The following CDH13 variants were observed in gnomAD, a reference collection of about 807,000 sequenced individuals.
CDH13 encodes the protein cadherin 13, also known as cadherin-13.
A neutral mutation model predicts 63.8 loss-of-function variants in CDH13; 24 were observed. The observed-to-expected ratio is 0.38, with a 90% CI of 0.27 to 0.53. The LOEUF (loss-of-function observed/expected upper bound fraction) is 0.53, where lower values mean the gene tolerates loss of function less well. Among genes scored for constraint, CDH13 ranks in the 20% least tolerant of loss-of-function variants. CDH13 has a pLI of 0.85. For synonymous variants in CDH13, 503 were observed against 355.3 expected, an observed-to-expected ratio of 1.42 and a Z score of -4.67; for missense variants, 1,049 against 903.1, an observed-to-expected ratio of 1.16 and a Z score of -2.07.
chr16:83,278,044 C>G (rs143839294), intron 5 of CDH13, among the ~76,000 whole-genome samples: 2 of 152,172 alleles, frequency 1.3e-5, no homozygotes, highest in Admixed American at 1.3e-4. Context: ...AGTTCCTATT[C>G]TCCAAGAAGG....
At chr16:83,775,533 G>C (rs1915048097) in intron 11 of CDH13, among the ~76,000 whole-genome samples, 1 of 151,980 alleles carries the variant, frequency 6.6e-6, no homozygotes, top group Non-Finnish European at 1.5e-5. Flanking sequence ...CATGGCCCCT[G>C]GGCTCCCTCC....
intron 2 of CDH13, among the ~76,000 whole-genome samples, chr16:82,962,327 G>T (rs575583082): frequency 6.6e-6 from 1 of 152,296 alleles, no homozygotes; most frequent in East Asian, 1.9e-4. Flanking sequence ...AGCAAGGAAG[G>T]ATCCTTTTTT....
At chr16:82,799,212 G>A (rs1326416479) in intron 1 of CDH13, among the ~76,000 whole-genome samples, 1 of 152,190 alleles carries the variant, frequency 6.6e-6, no homozygotes, top group Non-Finnish European at 1.5e-5. Context: ...AGTGATCAAA[G>A]AAAAGTCTAA....
At chr16:83,633,650 T>A (rs190160362) in intron 8 of CDH13, among the ~76,000 whole-genome samples, 1 of 152,206 alleles carries the variant, frequency 6.6e-6, no homozygotes, top group South Asian at 2.1e-4. Flanking sequence ...TGATTGCTCA[T>A]TGGTGGAGGC....
chr16:82,787,609 A>G (rs1012674930), intron 1 of CDH13, among the ~76,000 whole-genome samples: 4 of 152,234 alleles, frequency 2.6e-5, no homozygotes, highest in Non-Finnish European at 5.9e-5. Context: ...GAATTAGCCT[A>G]TGAAGTAGAA....
intron 4 of CDH13, among the ~76,000 whole-genome samples, chr16:83,189,403 G>C (rs78448021): frequency 2.0e-5 from 3 of 152,126 alleles, no homozygotes; most frequent in Admixed American, 6.6e-5. Flanking sequence ...TCAACCTCTG[G>C]TTCTTTCTTT....
At chr16:83,552,662 C>A (rs1056815099) in intron 7 of CDH13, among the ~76,000 whole-genome samples, 16 of 152,118 alleles carry the variant, frequency 1.1e-4, no homozygotes, top group African/African-American at 3.9e-4. Context: ...AGTTTGCTAG[C>A]CAGTTGAAGA....
At chr16:82,696,333 A>G (rs2030286455) in intron 1 of CDH13, among the ~76,000 whole-genome samples, 1 of 152,258 alleles carries the variant, frequency 6.6e-6, no homozygotes, top group Non-Finnish European at 1.5e-5. Flanking sequence ...ATTACTTTCT[A>G]ACAAAAATTA....
At chr16:83,207,463 G>C (rs1016069940) in intron 4 of CDH13, among the ~76,000 whole-genome samples, 28 of 152,108 alleles carry the variant, frequency 1.8e-4, no homozygotes, top group Admixed American at 1.6e-3. Context: ...CACACATGTA[G>C]ACACATACAA....
chr16:82,691,945 G>A (rs1479597631), intron 1 of CDH13, among the ~76,000 whole-genome samples: 1 of 152,064 alleles, frequency 6.6e-6, no homozygotes, highest in East Asian at 1.9e-4. Flanking sequence ...AAGGCATTCA[G>A]GAGATTCTGA....
intron 5 of CDH13, among the ~76,000 whole-genome samples, chr16:83,269,517 T>C (rs893335252): frequency 7.3e-5 from 11 of 150,176 alleles, no homozygotes; most frequent in African/African-American, 2.7e-4. Context: ...ATAGTGTGAG[T>C]TGTTCCTGGA....
At chr16:83,518,784 TA>T (rs2074761255) in intron 7 of CDH13, among the ~76,000 whole-genome samples, 1 of 152,198 alleles carries the variant, frequency 6.6e-6, no homozygotes, top group Non-Finnish European at 1.5e-5. Context: ...GTGATGGTTT[TA>T]TAAAGGGCTT....
intron 4 of CDH13, among the ~76,000 whole-genome samples, chr16:83,216,861 T>C (rs935608737): frequency 1.3e-5 from 2 of 151,738 alleles, no homozygotes; most frequent in Admixed American, 1.3e-4. Flanking sequence ...TGAGACAAAG[T>C]GCTTCCTCTG....
chr16:82,950,048 C>G (rs1905129439), intron 2 of CDH13, among the ~76,000 whole-genome samples: 2 of 152,060 alleles, frequency 1.3e-5, no homozygotes, highest in African/African-American at 4.8e-5. Context: ...TCTTAGTTCA[C>G]TAGGGCTCCT....
chr16:82,816,202 G>C (rs28655726), intron 1 of CDH13, among the ~76,000 whole-genome samples: 68,598 of 151,886 alleles, frequency 0.45, 17,153 homozygotes, highest in East Asian at 0.92. Context: ...AAACCCCACT[G>C]CAGCCTTCCA....
intron 2 of CDH13, among the ~76,000 whole-genome samples, chr16:82,968,858 G>C (rs149843405): frequency 2.8e-4 from 43 of 152,278 alleles, no homozygotes; most frequent in African/African-American, 8.9e-4. Flanking sequence ...AGTGGCTCAC[G>C]CCTGTAATCC....
chr16:82,788,198 G>A (rs990208155), intron 1 of CDH13, among the ~76,000 whole-genome samples: 1 of 152,192 alleles, frequency 6.6e-6, no homozygotes, highest in Admixed American at 6.5e-5. Context: ...AAAACAAAGT[G>A]AGGATGGTCC....
Position 82,668,318 on chromosome 16 carries a change from G to A in CDH13, c.45+41181G>A, listed in dbSNP as rs191966948. Among the ~76,000 whole-genome samples, 7 of 152,258 alleles carry A rather than the reference G, an allele frequency of 4.6e-5. No individual in the cohort carries two copies. The East Asian group carries it at 1.2e-3, about 25-fold the overall frequency. On this transcript the variant is annotated intron_variant, in intron 1 of 13. Transcript: ENST00000567109. Reference sequence around the variant, plus strand: ...GGCAAGAACTGCCAACCCCAGGGATGGCATCAGGCCCGCTGATAATTAAAG... The same window carrying A: ...GGCAAGAACTGCCAACCCCAGGGATAGCATCAGGCCCGCTGATAATTAAAG...
At chr16:83,647,020 A>G (rs556019692) in intron 8 of CDH13, among the ~76,000 whole-genome samples, 123 of 152,068 alleles carry the variant, frequency 8.1e-4, no homozygotes, top group African/African-American at 2.8e-3. Flanking sequence ...CTTAAATTAC[A>G]GTAACATCGG....
Sources: allele counts gnomAD v4.1 joint callset (sites outside exome capture counted in the v4.1 genomes callset), GRCh38; gene constraint gnomAD v4.1.1; transcripts MANE v1.5; gene names NCBI Gene and HGNC (gene_info 2026-07-23, HGNC 2026-07-21).